Variants in NEK4 observed in about 807,000 individuals in gnomAD.
The protein encoded by NEK4 is serine/threonine-protein kinase Nek4.
NEK4 carries 86 observed loss-of-function variants against 98.4 expected under a neutral mutation model. The observed-to-expected ratio is 0.87, with a 90% confidence interval of 0.73 to 1.05. The LOEUF is 1.05. NEK4 is among the 50% of genes least tolerant of loss of function. NEK4 has a pLI of 0.00. For missense variants in NEK4, 898 were observed against 950.3 expected (o/e 0.94, Z 0.72); for synonymous variants, 328 against 342.2 (o/e 0.96, Z 0.46).
intron 15 of NEK4, among the ~76,000 whole-genome samples, chr3:52,736,241 C>A (rs909611917): frequency 4.6e-5 from 7 of 152,136 alleles, no homozygotes; most frequent in African/African-American, 7.2e-5. Flanking sequence ...TCCTTTTCTT[C>A]TGATATTTTA....
chr3:52,760,597 T>C (rs541439050), intron 6 of NEK4, among the ~76,000 whole-genome samples, 198 bp downstream of exon 6: 1 of 152,386 alleles, frequency 6.6e-6, no homozygotes, highest in Admixed American at 6.5e-5. Flanking sequence ...AGCACTGACT[T>C]TGTGAACAAT....
intron 13 of NEK4, among the ~76,000 whole-genome samples, chr3:52,740,868 T>G (rs1248237968): frequency 6.6e-6 from 1 of 151,824 alleles, no homozygotes; most frequent in Non-Finnish European, 1.5e-5. Flanking sequence ...GTGGCACATA[T>G]TTAAGGAGCC....
rs756748397 is a variant in NEK4, at chr3:52,751,966, T to C, written c.1334A>G (p.Gln445Arg). ...TGGCTTTTGTTCTTTGATTAGGGGC[T>C]GCAGAGGCTTCACTGGTTCATTCTT... ...GEKNEPVKPL[Q>R]PLIKEQKPKD... The change falls in exon 7 of 16, where the codon CAG (glutamine) becomes CGG (arginine). Residue 445 changes from glutamine to arginine, a missense_variant. Transcript: ENST00000233027. 2 of 1,614,008 alleles carry C rather than the reference T, an allele frequency of 1.2e-6. No individual in the cohort carries two copies. Among genetic ancestry groups the C allele is most frequent in the Non-Finnish European group, 8.5e-7 (1 of 1,180,030 alleles).
intron 8 of NEK4, among the ~76,000 whole-genome samples, chr3:52,747,727 T>C (rs1203897733): frequency 1.3e-5 from 2 of 151,094 alleles, no homozygotes; most frequent in East Asian, 2.0e-4. Context: ...GGAAGACCAC[T>C]GGAGGCCACG....
At chr3:52,737,957 G>A (rs1483292145) in intron 14 of NEK4, among the ~76,000 whole-genome samples, 1 of 151,974 alleles carries the variant, frequency 6.6e-6, no homozygotes, top group Non-Finnish European at 1.5e-5. Context: ...GGGACTACAG[G>A]GGCCCACCAC....
At chr3:52,753,710 A>T in intron 6 of NEK4, 1 of 572,598 alleles carries the variant, frequency 1.7e-6, no homozygotes, top group East Asian at 4.7e-5. Context: ...ACAGTCAACA[A>T]ATGGCATGCA....
chr3:52,746,463 T>C (rs558076310), intron 9 of NEK4, among the ~76,000 whole-genome samples: 12 of 152,358 alleles, frequency 7.9e-5, no homozygotes, highest in African/African-American at 2.9e-4. Flanking sequence ...TGTTCATCAG[T>C]ACAATACAGA....
Position 52,752,028 on chromosome 3 carries a change from C to G in NEK4, c.1272G>C (p.Leu424=). 1 of 1,614,184 alleles carries G rather than the reference C, an allele frequency of 6.2e-7. No individual in the cohort carries two copies. The highest frequency in any genetic ancestry group is 8.5e-7 in the Non-Finnish European group (1 of 1,180,034). ...NTKSSAQPEN[L]IPMWSSDIVT... is the part of the protein sequence containing the mutation. ...CAATGTCAGAGGACCACATGGGAAT[C>G]AGGTTTTCAGGCTGGGCACTGGATT... Residue 424 remains leucine (L), a synonymous_variant, in exon 7 of 16, where the codon CTG becomes CTC. Transcript: ENST00000233027.
chr3:52,752,272 C>T lies in NEK4; in HGVS notation c.1028G>A (p.Ser343Asn), dbSNP rs778837018. 1.1e-4 allele frequency: 184 copies of T among 1,614,042 alleles called. No individual in the cohort carries two copies. The highest frequency in any genetic ancestry group is 1.5e-4 in the Non-Finnish European group (176 of 1,180,040). The change falls in exon 7 of 16, where the codon AGT (serine) becomes AAT (asparagine). Residue 343 changes from serine to asparagine, a missense_variant. Transcript: ENST00000233027. ...RASGLLKSPASLKAHTCKQDL... is the reference protein window; with the variant it reads ...RASGLLKSPANLKAHTCKQDL... ...CTGTTTGCAGGTATGGGCTTTCAGA[C>T]TGGCAGGTGACTTCAAGAGACCAGA... is the stretch of plus-strand genomic sequence containing the variant.
At chr3:52,751,575 C>T (rs1385065069) in intron 7 of NEK4, among the ~76,000 whole-genome samples, 2 of 151,386 alleles carry the variant, frequency 1.3e-5, no homozygotes, top group Non-Finnish European at 2.9e-5. Context: ...GAGCCGAGAT[C>T]GCGCCATTGC....
At chr3:52,723,030 C>T (rs114796738) in intron 15 of NEK4, among the ~76,000 whole-genome samples, 4,764 of 151,978 alleles carry the variant, frequency 0.031, 111 homozygotes, top group Non-Finnish European at 0.049. Flanking sequence ...ATAATGAGAC[C>T]CTGTCTCTAC....
intron 4 of NEK4, among the ~76,000 whole-genome samples, chr3:52,764,753 C>T (rs773337760): frequency 1.2e-4 from 17 of 146,198 alleles, no homozygotes; most frequent in South Asian, 2.2e-4. Context: ...TGGGTGTGCG[C>T]GTGCGCATGC....
Position 52,745,792 on chromosome 3 carries a change from G to A in NEK4, c.1827+269C>T, listed in dbSNP as rs376414687. On this transcript the variant is annotated intron_variant, in intron 10 of 15. Transcript: ENST00000233027. ...GGCTGAAGTACAGTGGCATGATCTC[G>A]GCTCACCTTAACCTCCGCCTTTTGG... is the stretch of plus-strand genomic sequence containing the variant. 1.1e-4 allele frequency among the ~76,000 whole-genome samples: 17 copies of A among 152,116 alleles called. 1 individual carries two copies. Among genetic ancestry groups the A allele is most frequent in the Admixed American group, 6.6e-4 (10 of 15,266 alleles).
In NEK4 at chr3:52,741,463, A is replaced by G; in HGVS notation, c.2041T>C (p.Leu681=). Residue 681 remains leucine (L), a synonymous_variant, in exon 13 of 16, where the codon TTA becomes CTA. Transcript: ENST00000233027. ...TCAGTTGAACTTGTAGAAGAACTTAACTCATCCTCAGACAGACAATGAATC... is the reference window on the plus strand; with the variant it reads ...TCAGTTGAACTTGTAGAAGAACTTAGCTCATCCTCAGACAGACAATGAATC... ...KQIHCLSEDE[L]SSSTSSTDKS... 6.2e-7 allele frequency: 1 copy of G among 1,610,624 alleles called. No homozygotes were observed. Among genetic ancestry groups the G allele is most frequent in the Non-Finnish European group, 8.5e-7 (1 of 1,176,922 alleles).
At chr3:52,760,682 G>C (rs1698321242) in intron 6 of NEK4, 113 bp downstream of exon 6, 1 of 783,200 alleles carries the variant, frequency 1.3e-6, no homozygotes, top group South Asian at 1.6e-5. Flanking sequence ...GGAATTAATT[G>C]TACAACAGAA....
rs1205507214 is a variant in NEK4, at chr3:52,708,483, T to C, written c.*3294A>G. ...TAAGATTTATTGAATGAGAACTGCATTGTACAATATGGTGCCACTAGACAC... is the reference window on the plus strand; with the variant it reads ...TAAGATTTATTGAATGAGAACTGCACTGTACAATATGGTGCCACTAGACAC... On this transcript the variant is annotated 3_prime_UTR_variant, in exon 16 of 16. Coordinates refer to ENST00000233027, the MANE Select transcript of NEK4 (RefSeq NM_003157.6). 1 of 152,236 alleles carries C rather than the reference T, an allele frequency of 6.6e-6. No individual in the cohort carries two copies. The highest frequency in any genetic ancestry group is 2.4e-5 in the African/African-American group (1 of 41,462). The allele number at this position is 152,236 out of a possible 1,614,324, so 9.4% of individuals were successfully genotyped here.
chr3:52,725,903 C>T (rs1284240434), intron 15 of NEK4, among the ~76,000 whole-genome samples: 1 of 151,922 alleles, frequency 6.6e-6, no homozygotes. Context: ...ATGGATTAAA[C>T]TCTCCAAAGA....
intron 2 of NEK4, 107 bp from the exon 3 acceptor site, chr3:52,766,482 G>A (rs562652257): frequency 6.7e-6 from 5 of 748,090 alleles, no homozygotes; most frequent in Middle Eastern, 3.8e-4. Context: ...GTCTTTGACC[G>A]TAAAGAGTAA....
At chr3:52,724,717 A>G (rs2097363003) in intron 15 of NEK4, among the ~76,000 whole-genome samples, 1 of 152,240 alleles carries the variant, frequency 6.6e-6, no homozygotes, top group Non-Finnish European at 1.5e-5. Flanking sequence ...TCAGTTATAC[A>G]GCAGGAGTTA....
Sources: gnomAD v4.1 joint callset for allele counts (sites outside exome capture counted in the v4.1 genomes callset) on GRCh38, gnomAD v4.1.1 for gene constraint, MANE v1.5 for transcripts, NCBI Gene and HGNC (gene_info 2026-07-23, HGNC 2026-07-21) for gene names.